Variants in XKR5 observed in about 807,000 individuals in gnomAD.
XKR5 encodes the protein XK-related protein 5.
XKR5 carries 46 observed loss-of-function variants against 40.8 expected under a neutral mutation model. The ratio of observed to expected loss-of-function variants is 1.13; its 90% CI spans 0.89 to 1.44. The LOEUF is 1.44. Among genes scored for constraint, XKR5 ranks in the 40% most tolerant of loss-of-function variants. The pLI is 0.00. For synonymous variants in XKR5, 466 were observed against 356.1 expected, an observed-to-expected ratio of 1.31 and a Z score of -3.48; for missense variants, 1,169 against 844.7, an observed-to-expected ratio of 1.38 and a Z score of -4.76.
At chr8:6,832,943 G>C (rs1186657515) in intron 1 of XKR5, 43 bp from the exon 2 acceptor site, 3 of 1,480,118 alleles carry the variant, frequency 2.0e-6, no homozygotes, top group Non-Finnish European at 2.7e-6. Context: ...TGGAAGGCTG[G>C]AGTGAGACTG....
chr8:6,812,478 A>C (rs2117076824), intron 6 of XKR5, 139 bp from the exon 7 acceptor site: 1 of 833,820 alleles, frequency 1.2e-6, no homozygotes, highest in South Asian at 1.9e-5. Flanking sequence ...TTGGAGCCTC[A>C]GAACTGGATA....
rs1037265844 is a variant in XKR5, at chr8:6,811,899, C to A, written c.1360G>T (p.Glu454Ter). 6.5e-7 allele frequency: 1 copy of A among 1,537,442 alleles called. No individual in the cohort carries two copies. Among genetic ancestry groups the A allele is most frequent in the Admixed American group, 2.0e-5 (1 of 51,002 alleles). Residue 454 changes from glutamate (E) to a stop codon, truncating the protein, a stop_gained, in exon 7 of 7, where the codon GAG becomes TAG. Transcript: ENST00000618742. LOFTEE classifies it low-confidence loss of function (END_TRUNC). Reference sequence around the variant, plus strand: ...GGGTCACGGGATGAGGATGGGAGCTCTTGCTGGGCAGACAAGGCCTTTCTC... The same window carrying A: ...GGGTCACGGGATGAGGATGGGAGCTATTGCTGGGCAGACAAGGCCTTTCTC... The part of the protein sequence containing the change: ...LQRKALSAQQ[E>*]LPSSSRDPST...
At chr8:6,833,152 C>T (rs572097448) in intron 1 of XKR5, among the ~76,000 whole-genome samples, 1 of 152,308 alleles carries the variant, frequency 6.6e-6, no homozygotes, top group South Asian at 2.1e-4. Flanking sequence ...GGCCCATACC[C>T]CCGCAGAAGG....
At chr8:6,813,964 C>G (rs955065750) in intron 6 of XKR5, among the ~76,000 whole-genome samples, 1 of 152,218 alleles carries the variant, frequency 6.6e-6, no homozygotes, top group Non-Finnish European at 1.5e-5. Flanking sequence ...GCCCCCAGGA[C>G]TCAGCTATAC....
intron 5 of XKR5, 142 bp from the exon 6 acceptor site, chr8:6,816,060 G>A (rs147810551): frequency 4.9e-6 from 3 of 611,952 alleles, no homozygotes; most frequent in East Asian, 2.9e-5. Flanking sequence ...GAGTACCCAG[G>A]AGCAGGGCTA....
At chr8:6,816,508 G>A (rs1362371562) in intron 5 of XKR5, among the ~76,000 whole-genome samples, 1 of 152,030 alleles carries the variant, frequency 6.6e-6, no homozygotes, top group Admixed American at 6.5e-5. Flanking sequence ...CTCTTTGTAC[G>A]CCCATCTGGG....
At chr8:6,827,775 A>G (rs1308799655) in intron 2 of XKR5, among the ~76,000 whole-genome samples, 1 of 152,166 alleles carries the variant, frequency 6.6e-6, no homozygotes, top group African/African-American at 2.4e-5. Flanking sequence ...TGAGAGGCCC[A>G]CCTGCTACAG....
At chr8:6,812,485 G>A in intron 6 of XKR5, 146 bp from the exon 7 acceptor site, 1 of 791,052 alleles carries the variant, frequency 1.3e-6, no homozygotes. Flanking sequence ...CTCAGAACTG[G>A]ATATTTCGGG....
In XKR5 at chr8:6,832,766, GC is replaced by G. The variant is rs1448648654; in HGVS notation, c.192del (p.His65IlefsTer4). On this transcript the variant is annotated frameshift_variant, in exon 2 of 7. Coordinates refer to ENST00000618742, the MANE Select transcript of XKR5 (RefSeq NM_207411.5). LOFTEE classifies it high-confidence loss of function. ...AGGTGCAGCATCATCAAGGAGCAAT[GC>G]CCTGGATGCCCGTCTGCTCGGAACC... is the stretch of plus-strand genomic sequence containing the variant. ...YLWFRADGHP[G>X]HCSLMMLHLL... The G allele has an allele frequency of 6.2e-7, 1 of 1,613,424 alleles. No individual in the cohort carries two copies. Among genetic ancestry groups the G allele is most frequent in the African/African-American group, 1.3e-5 (1 of 75,026 alleles).
intron 2 of XKR5, among the ~76,000 whole-genome samples, chr8:6,826,921 G>C (rs1255869156): frequency 6.6e-6 from 1 of 152,186 alleles, no homozygotes; most frequent in Non-Finnish European, 1.5e-5. Flanking sequence ...ACCCAGCCTG[G>C]GTGGTCCTCC....
rs9774002 is a variant in XKR5 at position 6,819,046 on chromosome 8, A to C, written c.807+2823T>G. Among the ~76,000 whole-genome samples, 940 of 152,298 alleles carry C rather than the reference A, an allele frequency of 6.2e-3. 5 individuals are homozygous for C. Among genetic ancestry groups the C allele is most frequent in the African/African-American group, 0.022 (907 of 41,556 alleles). ...AACAGGGCAAGCTCTGTCTCAGAAA[A>C]ACAAAAGCAAATACAAAACACCTTA... On this transcript the variant is annotated intron_variant, in intron 5 of 6. Coordinates refer to ENST00000618742, the MANE Select transcript of XKR5 (RefSeq NM_207411.5).
rs1381326728 is a variant in XKR5 at position 6,832,706 on chromosome 8, G to A, written c.242+11C>T. ...TTGTGCTCCAGAGGTGAAAGAGGCA[G>A]CTGTTCTTACCGCTTCCAAACACCA... On this transcript the variant is annotated intron_variant, in intron 2 of 6. Transcript: ENST00000618742. 1.3e-5 allele frequency: 21 copies of A among 1,612,434 alleles called. No individual in the cohort carries two copies. Among genetic ancestry groups the A allele is most frequent in the Non-Finnish European group, 1.8e-5 (21 of 1,179,366 alleles).
chr8:6,832,390 G>T (rs1019098562), intron 2 of XKR5, among the ~76,000 whole-genome samples: 1 of 152,206 alleles, frequency 6.6e-6, no homozygotes, highest in Admixed American at 6.5e-5. Flanking sequence ...AGATGGAACT[G>T]CCTTAAGTAA....
At chr8:6,830,955 G>T (rs754771403) in intron 2 of XKR5, among the ~76,000 whole-genome samples, 22 of 152,184 alleles carry the variant, frequency 1.4e-4, no homozygotes, top group Non-Finnish European at 2.5e-4. Context: ...TGGATTCCAT[G>T]AGGCCTGAGG....
At chr8:6,823,196 G>C (rs956087168) in intron 4 of XKR5, among the ~76,000 whole-genome samples, 1 of 152,162 alleles carries the variant, frequency 6.6e-6, no homozygotes. Flanking sequence ...TTGAATCTGG[G>C]CTGGTTGTGC....
At chr8:6,819,873 C>T (rs370863423) in intron 5 of XKR5, among the ~76,000 whole-genome samples, 2,637 of 151,160 alleles carry the variant, frequency 0.017, 73 homozygotes, top group African/African-American at 0.06. Flanking sequence ...CCTTCCCTCC[C>T]TCCTTCCTTC....
In XKR5 at chr8:6,812,031, G is replaced by A. The variant is rs1438124505; in HGVS notation, c.1228C>T (p.Leu410Phe). ...GACACATTTCCTGTTTTTAGGGCAA[G>A]TTTCACCCACAGCCAGTGGTGATGA... Reference protein sequence around the residue: ...LSHHHWLWVKLALKTGNVSKI... With the variant: ...LSHHHWLWVKFALKTGNVSKI... The change falls in exon 7 of 7, where the codon CTT (leucine) becomes TTT (phenylalanine). Residue 410 changes from leucine (L) to phenylalanine (F), a missense_variant. Transcript: ENST00000618742. The A allele has an allele frequency of 6.5e-7, 1 of 1,537,862 alleles. No individual in the cohort carries two copies. Among genetic ancestry groups the A allele is most frequent in the Non-Finnish European group, 8.7e-7 (1 of 1,146,934 alleles).
chr8:6,814,675 T>C (rs1216336218), intron 6 of XKR5, among the ~76,000 whole-genome samples: 2 of 152,018 alleles, frequency 1.3e-5, no homozygotes, highest in Admixed American at 6.5e-5. Flanking sequence ...ATCTAAAAAG[T>C]TTGATTTGAA....
chr8:6,827,487 T>C (rs1804563011), intron 2 of XKR5, among the ~76,000 whole-genome samples: 1 of 152,202 alleles, frequency 6.6e-6, no homozygotes, highest in Admixed American at 6.5e-5. Flanking sequence ...TTGAAATGGC[T>C]TTATTCATGG....
Sources: gnomAD v4.1 joint callset for allele counts (sites outside exome capture counted in the v4.1 genomes callset) on GRCh38, gnomAD v4.1.1 for gene constraint, MANE v1.5 for transcripts, NCBI Gene and HGNC (gene_info 2026-07-23, HGNC 2026-07-21) for gene names.